The following ANXA6 variants were observed in gnomAD, a reference collection of about 807,000 sequenced individuals.
ANXA6 encodes 67 kDa calelectrin.
In ANXA6, 71 loss-of-function variants were observed where a neutral mutation model predicts 95.4. The observed-to-expected ratio is 0.74, with a 90% confidence interval of 0.61 to 0.91. The LOEUF is 0.91. ANXA6 is among the 40% of genes least tolerant of loss of function. ANXA6 has a pLI of 0.00. For synonymous variants in ANXA6, 289 were observed against 315.9 expected (o/e 0.91, Z 0.90); for missense variants, 830 against 876.4 (o/e 0.95, Z 0.67).
intron 1 of ANXA6, among the ~76,000 whole-genome samples, 196 bp downstream of exon 1, chr5:151,157,484 C>G (rs1766267711): frequency 6.6e-6 from 1 of 152,226 alleles, no homozygotes; most frequent in Non-Finnish European, 1.5e-5. Context: ...CCTCTCCGCC[C>G]CGACCCCAGA....
intron 10 of ANXA6, among the ~76,000 whole-genome samples, chr5:151,131,531 G>A (rs1055758726): frequency 1.3e-5 from 2 of 152,202 alleles, no homozygotes; most frequent in African/African-American, 2.4e-5. Context: ...CACAAAGACC[G>A]CCTTTATCTT....
chr5:151,115,097 A>G (rs1032574012), intron 20 of ANXA6, among the ~76,000 whole-genome samples: 1 of 152,240 alleles, frequency 6.6e-6, no homozygotes, highest in Non-Finnish European at 1.5e-5. Context: ...TGGTAGATTC[A>G]GATATGGAAC....
chr5:151,137,610 C>T (rs1765704994), intron 5 of ANXA6, among the ~76,000 whole-genome samples: 1 of 152,178 alleles, frequency 6.6e-6, no homozygotes, highest in Non-Finnish European at 1.5e-5. Flanking sequence ...GAATAGTTAG[C>T]ACCATCTCCT....
At chr5:151,127,444 T>C (rs976634643) in intron 13 of ANXA6, among the ~76,000 whole-genome samples, 3 of 152,238 alleles carry the variant, frequency 2.0e-5, no homozygotes, top group Non-Finnish European at 2.9e-5. Context: ...TTTCTCTCTC[T>C]AGTACTCCAT....
At chr5:151,131,888 C>T (rs1001967970) in intron 10 of ANXA6, among the ~76,000 whole-genome samples, 1 of 152,146 alleles carries the variant, frequency 6.6e-6, no homozygotes, top group Non-Finnish European at 1.5e-5. Flanking sequence ...ACACCCTGCA[C>T]CCCACTTAAC....
intron 18 of ANXA6, among the ~76,000 whole-genome samples, chr5:151,118,139 C>A (rs551759383): frequency 1.2e-4 from 18 of 152,132 alleles, no homozygotes; most frequent in African/African-American, 4.3e-4. Flanking sequence ...TGTTGTCATT[C>A]TCTCTTCTAC....
intron 1 of ANXA6, among the ~76,000 whole-genome samples, chr5:151,154,295 GTATATATATATATATA>G (rs58268342): frequency 0.25 from 35,251 of 138,908 alleles, 4,902 homozygotes; most frequent in East Asian, 0.53. Flanking sequence ...GCAGTTTGCA[GTATATATATATATATA>G]TATATATATA....
At chr5:151,132,163 C>A (rs1161003241) in intron 10 of ANXA6, among the ~76,000 whole-genome samples, 2 of 152,140 alleles carry the variant, frequency 1.3e-5, no homozygotes, top group African/African-American at 2.4e-5. Context: ...CAGTGCCTGG[C>A]ATGCACTAGA....
chr5:151,123,639 C>T (rs1016890233), intron 15 of ANXA6, among the ~76,000 whole-genome samples: 4 of 124,812 alleles, frequency 3.2e-5, no homozygotes, highest in Non-Finnish European at 6.6e-5. Flanking sequence ...TCCCATGAGA[C>T]ACATGGAAAG....
In ANXA6 at chr5:151,126,489, G is replaced by C. The variant is rs746286536; in HGVS notation, c.978-9C>G. 2.1e-5 allele frequency: 34 copies of C among 1,603,748 alleles called. No homozygotes were observed. Among genetic ancestry groups the C allele is most frequent in the Admixed American group, 1.4e-4 (8 of 58,482 alleles). On this transcript the variant is annotated splice_polypyrimidine_tract_variant and intron_variant, in intron 13 of 25. Coordinates refer to ENST00000354546, the MANE Select transcript of ANXA6 (RefSeq NM_001155.5). ...AGAACTGGCCAGCAGCACTGGAATG[G>C]AGGGGTTTAGGGAGAGGACAGGAAG...
chr5:151,120,801 C>T (rs1765147359), intron 17 of ANXA6, among the ~76,000 whole-genome samples: 1 of 152,172 alleles, frequency 6.6e-6, no homozygotes, highest in Non-Finnish European at 1.5e-5. Context: ...ATGGTCCTGC[C>T]TTCTCAGATC....
At chr5:151,132,251 T>A (rs570518208) in intron 10 of ANXA6, among the ~76,000 whole-genome samples, 10 of 152,136 alleles carry the variant, frequency 6.6e-5, no homozygotes, top group Non-Finnish European at 1.3e-4. Context: ...CTGCCAGTGG[T>A]GGAGAAGGGA....
Position 151,103,654 on chromosome 5 carries a change from C to G in ANXA6, c.1878G>C (p.Met626Ile), listed in dbSNP as rs1255240064. Reference protein sequence around the residue: ...GTDEKTLTRIMVSRSEIDLLN... With the variant: ...GTDEKTLTRIIVSRSEIDLLN... ...GCAGGTCAATCTCACTGCGGGATAC[C>G]ATGATCCTGGTCAGAGTCTTCTCAT... The change falls in exon 25 of 26, where the codon ATG becomes ATC. Residue 626 changes from methionine (M) to isoleucine (I), a missense_variant. Transcript: ENST00000354546. 6.2e-7 allele frequency: 1 copy of G among 1,610,982 alleles called. No individual in the cohort carries two copies.
In ANXA6 at chr5:151,132,573, T is replaced by C; in HGVS notation, c.641-2A>G. The C allele has an allele frequency of 6.2e-7, 1 of 1,611,774 alleles. No individual in the cohort carries two copies. Among genetic ancestry groups the C allele is most frequent in the Non-Finnish European group, 8.5e-7 (1 of 1,179,096 alleles). The stretch of plus-strand genomic sequence containing the variant: ...TGGTCTTCAGATACTCATCGAACAC[T>C]GCGTCAGACAGAGAGACAGGGAGGT... On this transcript the variant is annotated splice_acceptor_variant, in intron 9 of 25. Coordinates refer to ENST00000354546, the MANE Select transcript of ANXA6 (RefSeq NM_001155.5). LOFTEE classifies it high-confidence loss of function.
intron 6 of ANXA6, 165 bp downstream of exon 6, chr5:151,137,066 C>G (rs889887903): frequency 6.5e-6 from 4 of 615,778 alleles, no homozygotes; most frequent in Non-Finnish European, 1.1e-5. Context: ...CCTAGCACAT[C>G]ACCCAGCACA....
intron 20 of ANXA6, among the ~76,000 whole-genome samples, chr5:151,115,458 C>T (rs959435364): frequency 6.6e-6 from 1 of 152,150 alleles, no homozygotes. Flanking sequence ...TCTCCTTTTG[C>T]GAAGCAGCTG....
intron 20 of ANXA6, among the ~76,000 whole-genome samples, chr5:151,112,312 T>A (rs1325285371): frequency 1.3e-5 from 2 of 152,218 alleles, no homozygotes; most frequent in African/African-American, 4.8e-5. Context: ...CAAAAAAAAA[T>A]AGACACTCAC....
At position 151,138,714 on chromosome 5, in the gene ANXA6, G is replaced by A. The variant is rs761002214; in HGVS notation, c.282C>T (p.Ala94=). 5.0e-6 allele frequency: 8 copies of A among 1,613,876 alleles called. No homozygotes were observed. Among genetic ancestry groups the A allele is most frequent in the Non-Finnish European group, 6.8e-6 (8 of 1,179,808 alleles). ...RLIVGLMRPP[A]YCDAKEIKDA... is the part of the protein sequence containing the mutation. ...CTTTAATTTCTTTGGCATCACAATA[G>A]GCAGGTGGCCTCATCAGGCCCACAA... The change falls in exon 5 of 26, where the codon GCC becomes GCT. Residue 94 remains alanine, a synonymous_variant. Coordinates refer to ENST00000354546, the MANE Select transcript of ANXA6 (RefSeq NM_001155.5).
chr5:151,129,897 G>A (rs908606557), intron 11 of ANXA6, among the ~76,000 whole-genome samples: 5 of 152,138 alleles, frequency 3.3e-5, no homozygotes, highest in African/African-American at 1.2e-4. Context: ...TTTTAGTAGA[G>A]ATGGGGTTTT....
Sources: gnomAD v4.1 joint callset for allele counts (sites outside exome capture counted in the v4.1 genomes callset) on GRCh38, gnomAD v4.1.1 for gene constraint, MANE v1.5 for transcripts, NCBI Gene and HGNC (gene_info 2026-07-23, HGNC 2026-07-21) for gene names.